The following PFKFB3 variants were observed in gnomAD, a reference collection of about 807,000 sequenced individuals.
The protein encoded by PFKFB3 is 6-phosphofructo-2-kinase/fructose-2,6-bisphosphatase 3.
Under a neutral mutation model 68.0 loss-of-function variants are expected in PFKFB3, and 33 were observed. That is an observed-to-expected ratio of 0.49 (90% CI 0.37 to 0.65). The LOEUF (loss-of-function observed/expected upper bound fraction) is 0.65. PFKFB3 is among the 30% of genes least tolerant of loss of function. The pLI is 0.00. For missense variants in PFKFB3, 586 were observed against 712.2 expected, an observed-to-expected ratio of 0.82 and a Z score of 2.02; for synonymous variants, 315 against 288.2, an observed-to-expected ratio of 1.09 and a Z score of -0.94.
Position 6,154,314 on chromosome 10 carries a change from CG to C in PFKFB3, c.16+9303del, listed in dbSNP as rs1841699283. On this transcript the variant is annotated intron_variant, in intron 1 of 14. Transcript: ENST00000379789. The surrounding 1 kb of genome is among the most constrained non-coding windows in gnomAD (Gnocchi z 4.6). ...AGGCTGGAGTGCAGTGGCGCGTTCT[CG>C]GCTCACTGCAACCTCTGCCTCTCGA... 1.3e-5 allele frequency among the ~76,000 whole-genome samples: 2 copies of C among 151,336 alleles called. No individual in the cohort carries two copies. Among genetic ancestry groups the C allele is most frequent in the South Asian group, 4.2e-4 (2 of 4,794 alleles).
At chr10:6,276,167 C>A in the PFKFB3 span, among the ~76,000 whole-genome samples, 2 of 152,074 alleles carry the variant, frequency 1.3e-5, no homozygotes, top group Non-Finnish European at 1.5e-5. Context: ...CAAATGCTAT[C>A]TTTATTTTGT....
In PFKFB3 at chr10:6,206,365, A is replaced by C. The variant is rs1315240147; in HGVS notation, c.76+3029A>C. On this transcript the variant is annotated intron_variant, in intron 1 of 14. Transcript: ENST00000379775. ...CATGTCTACTTCTTTCTACACAGACACAGCAACCATCCGATTTCTCAATCT... is the reference window on the plus strand; with the variant it reads ...CATGTCTACTTCTTTCTACACAGACCCAGCAACCATCCGATTTCTCAATCT... 5.1e-5 allele frequency among the ~76,000 whole-genome samples: 7 copies of C among 136,638 alleles called. 1 individual carries two copies. The highest frequency in any genetic ancestry group is 1.1e-4 in the Non-Finnish European group (7 of 63,350). 89.6% of individuals were successfully genotyped at this position (136,638 alleles called of 152,430 possible).
the PFKFB3 span, among the ~76,000 whole-genome samples, chr10:6,290,499 A>T: frequency 1.6e-3 from 219 of 135,902 alleles, no homozygotes; most frequent in Non-Finnish European, 2.3e-3. Flanking sequence ...TTTGTCTTTG[A>T]TTTTTTTTTT....
chr10:6,238,227 C>T (rs1270107965), downstream of PFKFB3, among the ~76,000 whole-genome samples: 4 of 151,898 alleles, frequency 2.6e-5, no homozygotes, highest in Non-Finnish European at 5.9e-5. Flanking sequence ...TGCAGTGGTA[C>T]AATCTCAGCT....
At chr10:6,197,466 A>G (rs1046938210) in intron 1 of PFKFB3, 1 of 152,240 alleles carries the variant, frequency 6.6e-6, no homozygotes, top group Non-Finnish European at 1.5e-5. Context: ...TGTTTGCACA[A>G]TGACGGAATT....
intron 1 of PFKFB3, among the ~76,000 whole-genome samples, chr10:6,155,246 A>C (rs1253363290): frequency 7.5e-6 from 1 of 134,128 alleles, no homozygotes; most frequent in African/African-American, 2.7e-5. Context: ...TCTGTCGCCC[A>C]GGCTGGAGGG....
upstream of PFKFB3, among the ~76,000 whole-genome samples, chr10:6,198,197 G>T (rs1669108004): frequency 6.8e-6 from 1 of 147,194 alleles, no homozygotes; most frequent in Admixed American, 7.0e-5. Context: ...AGTAAGCCGA[G>T]ATGGTACCAC....
the PFKFB3 span, among the ~76,000 whole-genome samples, chr10:6,275,320 C>T: frequency 6.6e-6 from 1 of 152,186 alleles, no homozygotes; most frequent in South Asian, 2.1e-4. This position sits in a 1 kb window ranked among gnomAD's most constrained non-coding sequence, Gnocchi z 4.9. Flanking sequence ...TGTGACTCGG[C>T]GAAGGAGGTG....
chr10:6,172,825 A>G (rs80132123), intron 1 of PFKFB3, among the ~76,000 whole-genome samples: 1 of 98,892 alleles, frequency 1.0e-5, no homozygotes, highest in South Asian at 3.2e-4. Context: ...TCATCTCAGA[A>G]AAAAAAAAAA....
intron 6 of PFKFB3, among the ~76,000 whole-genome samples, chr10:6,218,457 C>T (rs1400761760): frequency 1.3e-5 from 2 of 149,792 alleles, no homozygotes; most frequent in African/African-American, 4.9e-5. Flanking sequence ...GAAACGGACT[C>T]TCCTTCTGTT....
the PFKFB3 span, among the ~76,000 whole-genome samples, chr10:6,278,282 G>C: frequency 6.7e-6 from 1 of 149,238 alleles, no homozygotes; most frequent in Non-Finnish European, 1.5e-5. Flanking sequence ...ATTTTTTTTT[G>C]TTGTTGTTGT....
intron 1 of PFKFB3, among the ~76,000 whole-genome samples, chr10:6,177,376 C>CTTTCTTTT (rs1842511270): frequency 9.2e-6 from 1 of 109,088 alleles, no homozygotes; most frequent in East Asian, 2.3e-4. Context: ...TTCTTTCTTT[C>CTTTCTTTT]TTTCTTTCTT....
chr10:6,166,818 CTTCTT>C (rs989087059), intron 1 of PFKFB3, among the ~76,000 whole-genome samples: 10 of 129,770 alleles, frequency 7.7e-5, no homozygotes, highest in African/African-American at 2.7e-4. Context: ...AGCCCTTCTT[CTTCTT>C]TTTTTTTTTT....
chr10:6,315,539 A>G, the PFKFB3 span, among the ~76,000 whole-genome samples: 470 of 152,148 alleles, frequency 3.1e-3, 1 homozygote, highest in African/African-American at 0.011. Context: ...GCTGGAGTGC[A>G]ATGGTGCGAT....
At chr10:6,161,456 T>C (rs888451615) in intron 1 of PFKFB3, among the ~76,000 whole-genome samples, 1 of 152,140 alleles carries the variant, frequency 6.6e-6, no homozygotes, top group Non-Finnish European at 1.5e-5. Flanking sequence ...GAATAAAATA[T>C]CCTGTTCCCA....
chr10:6,309,920 A>G, the PFKFB3 span, among the ~76,000 whole-genome samples: 2 of 152,192 alleles, frequency 1.3e-5, no homozygotes, highest in African/African-American at 4.8e-5. Flanking sequence ...CAATCTACTG[A>G]TGCAGGAAAT....
chr10:6,180,232 T>G (rs377023057), intron 1 of PFKFB3, among the ~76,000 whole-genome samples: 4 of 138,022 alleles, frequency 2.9e-5, no homozygotes, highest in Non-Finnish European at 6.3e-5. Flanking sequence ...GATGGAGGAA[T>G]GAATGAATGA....
At chr10:6,155,456 A>G (rs1055749817) in intron 1 of PFKFB3, among the ~76,000 whole-genome samples, 1 of 152,142 alleles carries the variant, frequency 6.6e-6, no homozygotes, top group Non-Finnish European at 1.5e-5. Flanking sequence ...CGCCCGTCTC[A>G]GCCTCCCAAA....
At chr10:6,238,542 A>G (rs1158299626), downstream of PFKFB3, among the ~76,000 whole-genome samples, 1 of 148,356 alleles carries the variant, frequency 6.7e-6, no homozygotes, top group Non-Finnish European at 1.5e-5. Context: ...TTATTGGGAG[A>G]ACTAAATCTT....
Sources: allele counts gnomAD v4.1 joint callset (sites outside exome capture counted in the v4.1 genomes callset), GRCh38; gene constraint gnomAD v4.1.1; non-coding constraint Gnocchi (gnomAD v3.1); transcripts MANE v1.5; gene names NCBI Gene and HGNC (gene_info 2026-07-23, HGNC 2026-07-21).